LRRFIP2: variants seen among roughly 807,000 people sequenced by gnomAD.
LRRFIP2 encodes the protein LRR binding FLII interacting protein 2.
LRRFIP2 carries 109 observed loss-of-function variants against 125.9 expected under a neutral mutation model. That is an observed-to-expected ratio of 0.87 (90% CI 0.74 to 1.01). The LOEUF (loss-of-function observed/expected upper bound fraction) is 1.01, where lower values mean the gene tolerates loss of function less well. Ranked by LOEUF, LRRFIP2 falls within the 50% of genes least tolerant of loss-of-function variation. The pLI, the probability that LRRFIP2 is intolerant of heterozygous loss-of-function variation, is 0.00. For synonymous variants in LRRFIP2, 291 were observed against 293.1 expected (o/e 0.99, Z 0.07); for missense variants, 850 against 862.3 (o/e 0.99, Z 0.18).
chr3:37,126,028 G>GTTGTTTGT (rs57103534), intron 4 of LRRFIP2, among the ~76,000 whole-genome samples: 1 of 151,110 alleles, frequency 6.6e-6, no homozygotes, highest in African/African-American at 2.4e-5. Context: ...TGTTGTTGTT[G>GTTGTTTGT]TTGTTTGTTT....
At chr3:37,091,425 T>C in intron 18 of LRRFIP2, 42 bp downstream of exon 18, 1 of 1,516,890 alleles carries the variant, frequency 6.6e-7, no homozygotes, top group South Asian at 1.2e-5. Context: ...CCAACACTTC[T>C]GCATACAGAG....
intron 19 of LRRFIP2, among the ~76,000 whole-genome samples, chr3:37,081,667 T>C (rs2092649864): frequency 6.6e-6 from 1 of 152,038 alleles, no homozygotes; most frequent in Admixed American, 6.6e-5. Flanking sequence ...GTGGATTGCT[T>C]GAGCCCAGGA....
At chr3:37,144,546 C>A (rs544203292) in intron 2 of LRRFIP2, among the ~76,000 whole-genome samples, 14 of 152,238 alleles carry the variant, frequency 9.2e-5, no homozygotes, top group African/African-American at 3.4e-4. Context: ...TCGAGTCCAG[C>A]TTGGGCAACC....
chr3:37,108,557 T>C, intron 12 of LRRFIP2, 80 bp downstream of exon 12: 4 of 1,176,318 alleles, frequency 3.4e-6, no homozygotes, highest in Non-Finnish European at 4.9e-6. Context: ...TTTTTATTAA[T>C]TTTTGACTTT....
chr3:37,093,859 T>C (rs1365070610), intron 17 of LRRFIP2, among the ~76,000 whole-genome samples: 2 of 152,244 alleles, frequency 1.3e-5, no homozygotes, highest in Admixed American at 6.5e-5. Flanking sequence ...GGTAGCTTTC[T>C]GGGTTGTCTG....
chr3:37,161,737 T>G (rs1260754496), intron 1 of LRRFIP2, among the ~76,000 whole-genome samples: 1 of 148,372 alleles, frequency 6.7e-6, no homozygotes, highest in East Asian at 2.0e-4. Flanking sequence ...ATAAAAAAAT[T>G]AGTTTTACAA....
At chr3:37,125,688 T>G (rs1190955376) in intron 4 of LRRFIP2, among the ~76,000 whole-genome samples, 1 of 152,216 alleles carries the variant, frequency 6.6e-6, no homozygotes, top group African/African-American at 2.4e-5. Context: ...TCCCTATTCA[T>G]GTCCCAACAT....
At chr3:37,071,570 A>G (rs544673361) in intron 21 of LRRFIP2, among the ~76,000 whole-genome samples, 1 of 152,258 alleles carries the variant, frequency 6.6e-6, no homozygotes, top group South Asian at 2.1e-4. Flanking sequence ...AAGTGATGAA[A>G]AAGACTGGAT....
chr3:37,089,432 G>C (rs1308113890), intron 18 of LRRFIP2, among the ~76,000 whole-genome samples: 13 of 152,116 alleles, frequency 8.5e-5, no homozygotes, highest in African/African-American at 1.7e-4. Context: ...CATAATAACA[G>C]TAATGTCACA....
intron 18 of LRRFIP2, among the ~76,000 whole-genome samples, chr3:37,087,173 A>C (rs2093111071): frequency 6.6e-6 from 1 of 152,224 alleles, no homozygotes; most frequent in Non-Finnish European, 1.5e-5. Flanking sequence ...ATAATGCTTC[A>C]TAAACCAGAA....
chr3:37,106,757 C>T (rs915290557), intron 13 of LRRFIP2, among the ~76,000 whole-genome samples: 6 of 152,104 alleles, frequency 3.9e-5, no homozygotes, highest in Non-Finnish European at 7.4e-5. Context: ...GGTGGACCAC[C>T]TGAGGTCACA....
chr3:37,163,242 G>C (rs949732964), intron 1 of LRRFIP2, among the ~76,000 whole-genome samples: 1 of 152,176 alleles, frequency 6.6e-6, no homozygotes, highest in Non-Finnish European at 1.5e-5. Flanking sequence ...GTTGATGCTT[G>C]CTATTCAGTT....
rs191490333 is a variant in LRRFIP2 at position 37,081,200 on chromosome 3, C to T, written c.1278+2436G>A. ...AAAGTTACAGTGGGCTATGATCGTG[C>T]CACTGCACTCCAGCCTGGGGAGCAG... On this transcript the variant is annotated intron_variant, in intron 19 of 27. Transcript: ENST00000336686. Among the ~76,000 whole-genome samples the T allele has an allele frequency of 1.6e-3, 248 of 152,278 alleles. 1 individual carries two copies. The highest frequency in any genetic ancestry group is 2.9e-3 in the Non-Finnish European group (196 of 68,022).
At chr3:37,109,095 G>A (rs1431766604) in intron 11 of LRRFIP2, among the ~76,000 whole-genome samples, 1 of 152,138 alleles carries the variant, frequency 6.6e-6, no homozygotes, top group African/African-American at 2.4e-5. Flanking sequence ...CAAACAGCTT[G>A]AAAGCAACAA....
chr3:37,131,409 C>T (rs2095425593), intron 2 of LRRFIP2, among the ~76,000 whole-genome samples: 1 of 152,084 alleles, frequency 6.6e-6, no homozygotes, highest in Non-Finnish European at 1.5e-5. Flanking sequence ...TCTCTCACCC[C>T]ACAACTTTTA....
At chr3:37,056,323 A>G (rs772635477) in intron 25 of LRRFIP2, among the ~76,000 whole-genome samples, 19 of 152,216 alleles carry the variant, frequency 1.2e-4, no homozygotes, top group South Asian at 2.1e-4. Flanking sequence ...GATTACAGTA[A>G]TAAGATTTGC....
intron 24 of LRRFIP2, among the ~76,000 whole-genome samples, chr3:37,061,620 G>A (rs1052772306): frequency 4.0e-5 from 6 of 151,824 alleles, no homozygotes; most frequent in Non-Finnish European, 7.4e-5. Flanking sequence ...CTCAACTCCT[G>A]ACCTCAACCA....
intron 21 of LRRFIP2, chr3:37,067,631 G>A (rs2090399938): frequency 6.6e-6 from 1 of 152,202 alleles, no homozygotes; most frequent in African/African-American, 2.4e-5. Flanking sequence ...TAGGGAGCAA[G>A]TAAATAAGGG....
chr3:37,131,082 A>C (rs191567632), intron 2 of LRRFIP2, among the ~76,000 whole-genome samples: 9 of 152,232 alleles, frequency 5.9e-5, no homozygotes, highest in Admixed American at 1.3e-4. Flanking sequence ...GATTGATGGC[A>C]ATCAGGTTTG....
Sources: gnomAD v4.1 joint callset for allele counts (sites outside exome capture counted in the v4.1 genomes callset) on GRCh38, gnomAD v4.1.1 for gene constraint, MANE v1.5 for transcripts, NCBI Gene and HGNC (gene_info 2026-07-23, HGNC 2026-07-21) for gene names.